The following DDX59 variants were observed in gnomAD, a reference collection of about 807,000 sequenced individuals.
DDX59 encodes DEAD-box helicase 59.
Under a neutral mutation model 51.9 loss-of-function variants are expected in DDX59, and 30 were observed. That is an observed-to-expected ratio of 0.58 (90% CI 0.43 to 0.78). DDX59 has a LOEUF of 0.78. Among genes scored for constraint, DDX59 ranks in the 30% least tolerant of loss-of-function variants. DDX59 has a pLI of 0.00. For synonymous variants in DDX59, 255 were observed against 253.3 expected (o/e 1.01, Z -0.06); for missense variants, 672 against 730.8 (o/e 0.92, Z 0.93).
At chr1:200,644,895 CAAAAAAAAA>C (rs60033922) in intron 7 of DDX59, among the ~76,000 whole-genome samples, 1 of 80,982 alleles carries the variant, frequency 1.2e-5, no homozygotes, top group South Asian at 4.2e-4. Flanking sequence ...GACTCCATCT[CAAAAAAAAA>C]AAAAAAAAAA....
intron 1 of DDX59, among the ~76,000 whole-genome samples, chr1:200,668,728 C>G (rs1662952150): frequency 6.6e-6 from 1 of 152,180 alleles, no homozygotes; most frequent in Non-Finnish European, 1.5e-5. Flanking sequence ...CAACTAAGAG[C>G]CAGGCACCCT....
chr1:200,652,062 A>G (rs78401243), intron 4 of DDX59, among the ~76,000 whole-genome samples: 12,263 of 150,950 alleles, frequency 0.081, 642 homozygotes, highest in Non-Finnish European at 0.11. Context: ...AATACAATCC[A>G]GGTGTCTATA....
intron 3 of DDX59, among the ~76,000 whole-genome samples, chr1:200,660,415 T>C (rs1408104563): frequency 2.0e-5 from 3 of 151,078 alleles, no homozygotes; most frequent in Non-Finnish European, 4.4e-5. Flanking sequence ...GGGGTGGGAG[T>C]GACAGGTGGG....
intron 4 of DDX59, chr1:200,655,202 A>G (rs981750352): frequency 6.6e-6 from 1 of 152,174 alleles, no homozygotes; most frequent in Admixed American, 6.5e-5. Context: ...AGATTTGCTC[A>G]TTTGTCCTTT....
chr1:200,656,927 T>C (rs942344543), intron 4 of DDX59, among the ~76,000 whole-genome samples: 15 of 151,318 alleles, frequency 9.9e-5, no homozygotes, highest in Non-Finnish European at 2.2e-4. Flanking sequence ...TGAGGATGAA[T>C]GGAAACTAAC....
rs899755038 is a variant in DDX59, at chr1:200,669,820, C to T, written c.-65G>A. ...CCGCTCCCGCTCGGGCCGTCTCCCC[C>T]TTCCAGGCTCCAGGCCAGGCTTCCG... On this transcript the variant is annotated 5_prime_UTR_variant, in exon 1 of 8. Coordinates refer to ENST00000331314, the MANE Select transcript of DDX59 (RefSeq NM_001031725.6). 3.3e-5 allele frequency: 5 copies of T among 152,728 alleles called. No homozygotes were observed. The highest frequency in any genetic ancestry group is 9.6e-5 in the African/African-American group (4 of 41,466). 9.5% of individuals were successfully genotyped at this position (152,728 alleles called of 1,614,324 possible).
chr1:200,648,716 A>T (rs969131928), intron 6 of DDX59, 149 bp from the exon 7 acceptor site: 2 of 916,960 alleles, frequency 2.2e-6, no homozygotes, highest in African/African-American at 3.3e-5. Context: ...TACCTGAAAA[A>T]TGTATGCAGC....
In DDX59 at chr1:200,645,316, T is replaced by C. The variant is rs143614702; in HGVS notation, c.1597-799A>G. ...TTTTTTGAGGCGGAGTCTCACTCTG[T>C]TGCCCAGGCTGGAGCGCAATGGTGC... On this transcript the variant is annotated intron_variant, in intron 7 of 7. Transcript: ENST00000331314. Among the ~76,000 whole-genome samples, 630 of 152,298 alleles carry C rather than the reference T, an allele frequency of 4.1e-3. 3 individuals are homozygous for C. The highest frequency in any genetic ancestry group is 5.9e-3 in the Non-Finnish European group (401 of 68,014).
intron 1 of DDX59, among the ~76,000 whole-genome samples, chr1:200,668,323 GA>G (rs1235974547): frequency 7.0e-5 from 10 of 142,332 alleles, no homozygotes; most frequent in African/African-American, 2.6e-4. Flanking sequence ...AAAAAAAAAA[GA>G]AAAGAAATTA....
intron 4 of DDX59, among the ~76,000 whole-genome samples, chr1:200,657,748 CAA>C (rs1267173346): frequency 1.6e-3 from 130 of 80,542 alleles, no homozygotes; most frequent in African/African-American, 4.2e-3. Context: ...GACTCTGTCT[CAA>C]AAAAAAAAAA....
intron 3 of DDX59, among the ~76,000 whole-genome samples, chr1:200,662,155 T>C (rs953000800): frequency 8.5e-5 from 13 of 152,172 alleles, no homozygotes; most frequent in Admixed American, 3.3e-4. Flanking sequence ...TCTTTATAAA[T>C]TAGTCTCAGG....
At chr1:200,663,789 G>T in intron 3 of DDX59, 130 bp downstream of exon 3, 8 of 895,484 alleles carry the variant, frequency 8.9e-6, no homozygotes, top group Non-Finnish European at 9.1e-6. Context: ...AAAAACCTAA[G>T]GCTTACTTGG....
At chr1:200,667,218 T>G (rs6427836) in intron 1 of DDX59, among the ~76,000 whole-genome samples, 109,495 of 151,850 alleles carry the variant, frequency 0.72, 40,862 homozygotes, top group Non-Finnish European at 0.84. Context: ...GCCTGGCCAA[T>G]ATGGTGAAAC....
chr1:200,642,684 A>G (rs1012255107), downstream of DDX59, among the ~76,000 whole-genome samples: 1 of 152,166 alleles, frequency 6.6e-6, no homozygotes, highest in Admixed American at 6.6e-5. Context: ...TTGTGTGGCG[A>G]GAGGGAAGTA....
rs1425212365 is a variant in DDX59, at chr1:200,664,213, C to CT, written c.805-128dup. Reference sequence around the variant, plus strand: ...TGTTCCCAACTGGGTATGAGTCCTCCTGCCTTCTGCTTACTGCAGACTTTT... The same window carrying CT: ...TGTTCCCAACTGGGTATGAGTCCTCCTTGCCTTCTGCTTACTGCAGACTTTT... On this transcript the variant is annotated intron_variant, in intron 2 of 7. Coordinates refer to ENST00000331314, the MANE Select transcript of DDX59 (RefSeq NM_001031725.6). The CT allele has an allele frequency of 1.0e-5, 10 of 963,308 alleles. No homozygotes were observed. In the Admixed American group the frequency reaches 1.3e-4, roughly 13 times the overall value. The allele number at this position is 963,308 out of a possible 1,614,324, so 59.7% of individuals were successfully genotyped here.
At chr1:200,650,047 T>C (rs1414161467) in intron 5 of DDX59, among the ~76,000 whole-genome samples, 3 of 152,056 alleles carry the variant, frequency 2.0e-5, no homozygotes, top group African/African-American at 7.2e-5. Flanking sequence ...GGTTTCACCA[T>C]GTTAGCCAGG....
intron 3 of DDX59, 88 bp downstream of exon 3, chr1:200,663,831 T>G: frequency 1.5e-6 from 2 of 1,326,356 alleles, no homozygotes; most frequent in Non-Finnish European, 2.0e-6. Flanking sequence ...AAATCATACT[T>G]TTAAAAATTC....
At chr1:200,648,697 G>A (rs1432095325) in intron 6 of DDX59, 130 bp from the exon 7 acceptor site, 53 of 1,073,642 alleles carry the variant, frequency 4.9e-5, no homozygotes, top group Non-Finnish European at 6.2e-5. Flanking sequence ...ATAAGTAAAG[G>A]TCATAGTATA....
intron 5 of DDX59, among the ~76,000 whole-genome samples, 160 bp from the exon 6 acceptor site, chr1:200,649,386 T>C (rs1176431992): frequency 6.6e-6 from 1 of 152,064 alleles, no homozygotes; most frequent in Non-Finnish European, 1.5e-5. Context: ...CTCAGCACTT[T>C]GGGAGACCGA....
Sources: allele counts gnomAD v4.1 joint callset (sites outside exome capture counted in the v4.1 genomes callset), GRCh38; gene constraint gnomAD v4.1.1; transcripts MANE v1.5; gene names NCBI Gene and HGNC (gene_info 2026-07-23, HGNC 2026-07-21).